WDR70: variants seen among roughly 807,000 people sequenced by gnomAD.
The protein encoded by WDR70 is WD repeat domain 70.
A neutral mutation model predicts 88.6 loss-of-function variants in WDR70; 53 were observed. That is an observed-to-expected ratio of 0.60 (90% confidence interval 0.48 to 0.75). The LOEUF is 0.75. Ranked by LOEUF, WDR70 falls within the 30% of genes least tolerant of loss-of-function variation. The pLI is 0.00. For synonymous variants in WDR70, 280 were observed against 270.0 expected (o/e 1.04, Z -0.36); for missense variants, 610 against 823.2 (o/e 0.74, Z 3.17).
At chr5:37,646,155 A>G (rs919662779) in intron 10 of WDR70, among the ~76,000 whole-genome samples, 1 of 151,910 alleles carries the variant, frequency 6.6e-6, no homozygotes, top group Admixed American at 6.6e-5. Flanking sequence ...TAAGGTTACC[A>G]TGAGGCTTGC....
At chr5:37,585,053 C>G (rs998678263) in intron 9 of WDR70, among the ~76,000 whole-genome samples, 1 of 149,980 alleles carries the variant, frequency 6.7e-6, no homozygotes, top group East Asian at 2.0e-4. Flanking sequence ...TGCCATGGCA[C>G]GATATCGGCT....
chr5:37,690,311 C>T (rs1746749910), intron 10 of WDR70, among the ~76,000 whole-genome samples: 1 of 152,104 alleles, frequency 6.6e-6, no homozygotes, highest in Admixed American at 6.5e-5. Context: ...CAGAACTTCC[C>T]CAACCTAGCA....
chr5:37,743,513 C>T (rs747346758), intron 17 of WDR70, among the ~76,000 whole-genome samples: 5 of 152,210 alleles, frequency 3.3e-5, no homozygotes, highest in African/African-American at 4.8e-5. Flanking sequence ...CTGCCTAACA[C>T]GCTAAGCTCT....
At chr5:37,398,829 T>C (rs1261775341) in intron 5 of WDR70, among the ~76,000 whole-genome samples, 1 of 152,226 alleles carries the variant, frequency 6.6e-6, no homozygotes, top group Non-Finnish European at 1.5e-5. Context: ...TTCTAGTGGC[T>C]TTTAAATATC....
chr5:37,426,236 G>C (rs1391343303), intron 5 of WDR70, among the ~76,000 whole-genome samples: 1 of 152,148 alleles, frequency 6.6e-6, no homozygotes, highest in Non-Finnish European at 1.5e-5. Flanking sequence ...GTGGTCAATT[G>C]TATCAGAATT....
rs182509450 is a variant in WDR70 at position 37,538,881 on chromosome 5, G to T, written c.917+22291G>T. Among the ~76,000 whole-genome samples, 417 of 152,290 alleles carry T rather than the reference G, an allele frequency of 2.7e-3. 3 individuals are homozygous for T. Among genetic ancestry groups the T allele is most frequent in the Non-Finnish European group, 4.7e-3 (317 of 68,022 alleles). ...TATCCAAAGGAAGTAATTTCTACTT[G>T]TGAATTTCTATGATCTAATGAGGAA... On this transcript the variant is annotated intron_variant, in intron 9 of 17. Transcript: ENST00000265107.
At chr5:37,640,255 A>G (rs1026789070) in intron 10 of WDR70, among the ~76,000 whole-genome samples, 2 of 152,162 alleles carry the variant, frequency 1.3e-5, no homozygotes, top group Non-Finnish European at 2.9e-5. Context: ...TTCCTCAAAT[A>G]CCTGTTCCAC....
At chr5:37,627,398 C>T (rs889736111) in intron 10 of WDR70, among the ~76,000 whole-genome samples, 3 of 152,182 alleles carry the variant, frequency 2.0e-5, no homozygotes, top group Non-Finnish European at 4.4e-5. Flanking sequence ...CATGAGCTAC[C>T]ATGCCAGGCC....
chr5:37,491,635 G>A (rs1001935850), intron 8 of WDR70, among the ~76,000 whole-genome samples: 3 of 152,060 alleles, frequency 2.0e-5, no homozygotes, highest in African/African-American at 7.2e-5. Context: ...TGAATAGTAC[G>A]TGTAGTCATT....
intron 9 of WDR70, among the ~76,000 whole-genome samples, chr5:37,547,729 C>G (rs4640824): frequency 0.1 from 15,889 of 152,022 alleles, 955 homozygotes; most frequent in African/African-American, 0.16. Flanking sequence ...AAATATTAGG[C>G]CTTATTCATT....
intron 5 of WDR70, among the ~76,000 whole-genome samples, chr5:37,416,625 G>A (rs1177378968): frequency 6.6e-6 from 1 of 151,126 alleles, no homozygotes; most frequent in African/African-American, 2.4e-5. Flanking sequence ...TGTCACCCAG[G>A]CTGGAGTGCA....
chr5:37,384,872 C>G (rs1748556364), intron 3 of WDR70, among the ~76,000 whole-genome samples: 1 of 151,956 alleles, frequency 6.6e-6, no homozygotes, highest in Admixed American at 6.6e-5. Flanking sequence ...CAGTTTAATT[C>G]TGACACCGTC....
At chr5:37,522,257 G>C (rs1344767079) in intron 9 of WDR70, among the ~76,000 whole-genome samples, 1 of 151,960 alleles carries the variant, frequency 6.6e-6, no homozygotes, top group East Asian at 1.9e-4. Flanking sequence ...CGGATCATGA[G>C]GTCAGGAAAT....
At chr5:37,450,282 C>T (rs1157775779) in intron 7 of WDR70, among the ~76,000 whole-genome samples, 1 of 152,128 alleles carries the variant, frequency 6.6e-6, no homozygotes, top group Non-Finnish European at 1.5e-5. Flanking sequence ...ATTGCTGGGT[C>T]AGATGGTATT....
intron 9 of WDR70, among the ~76,000 whole-genome samples, chr5:37,565,798 C>A (rs1420557484): frequency 2.0e-5 from 3 of 151,868 alleles, no homozygotes; most frequent in African/African-American, 7.3e-5. Context: ...ATTAGAGTAA[C>A]CCTTCAGGGG....
At chr5:37,744,416 G>T (rs1373840426) in intron 17 of WDR70, among the ~76,000 whole-genome samples, 1 of 152,100 alleles carries the variant, frequency 6.6e-6, no homozygotes, top group Non-Finnish European at 1.5e-5. Flanking sequence ...CACAGAACTG[G>T]ATGGAGGATC....
chr5:37,499,621 C>CTCTT (rs1363164731), intron 8 of WDR70, among the ~76,000 whole-genome samples: 1 of 126,214 alleles, frequency 7.9e-6, no homozygotes, highest in African/African-American at 2.7e-5. Flanking sequence ...CTCTCTCTCT[C>CTCTT]TCTCTCTCGT....
chr5:37,532,807 G>A lies in WDR70; in HGVS notation c.917+16217G>A, dbSNP rs181336455. Among the ~76,000 whole-genome samples, 45 of 152,236 alleles carry A rather than the reference G, an allele frequency of 3.0e-4. No individual in the cohort carries two copies. The East Asian group carries it at 6.2e-3, about 21-fold the overall frequency. ...ATTTAGATCCATTGCTGGTGAGCTA[G>A]TATGATCTTTTGGGGGTGTTAAAGA... On this transcript the variant is annotated intron_variant, in intron 9 of 17. Coordinates refer to ENST00000265107, the MANE Select transcript of WDR70 (RefSeq NM_018034.4).
chr5:37,675,112 C>T (rs1186138630), intron 10 of WDR70, among the ~76,000 whole-genome samples: 5 of 152,132 alleles, frequency 3.3e-5, no homozygotes, highest in African/African-American at 1.2e-4. Context: ...TGTTTGAGTT[C>T]ATTGTAGATT....
Sources: gnomAD v4.1 joint callset for allele counts (sites outside exome capture counted in the v4.1 genomes callset) on GRCh38, gnomAD v4.1.1 for gene constraint, MANE v1.5 for transcripts, NCBI Gene and HGNC (gene_info 2026-07-23, HGNC 2026-07-21) for gene names.